The following GRAP2 variants were observed in gnomAD, a reference collection of about 807,000 sequenced individuals.
The protein encoded by GRAP2 is GRB2-related adapter protein 2.
GRAP2 carries 31 observed loss-of-function variants against 43.5 expected under a neutral mutation model. The observed-to-expected ratio is 0.71, with a 90% CI of 0.54 to 0.96. GRAP2 has a LOEUF of 0.96. Among genes scored for constraint, GRAP2 ranks in the 40% least tolerant of loss-of-function variants. The pLI, the probability that GRAP2 is intolerant of heterozygous loss-of-function variation, is 0.00. For synonymous variants in GRAP2, 156 were observed against 164.8 expected (o/e 0.95, Z 0.41); for missense variants, 371 against 424.4 (o/e 0.87, Z 1.11).
chr22:39,918,003 T>TC (rs966401587), intron 1 of GRAP2, among the ~76,000 whole-genome samples: 2 of 152,286 alleles, frequency 1.3e-5, no homozygotes, highest in East Asian at 1.9e-4. Flanking sequence ...TCTAGCTTTT[T>TC]CCCCCCTCAA....
At chr22:39,924,459 G>A (rs979673788) in intron 1 of GRAP2, among the ~76,000 whole-genome samples, 3 of 152,174 alleles carry the variant, frequency 2.0e-5, no homozygotes, top group Non-Finnish European at 2.9e-5. Context: ...CCAACACTTC[G>A]GGAGGCCGAA....
At chr22:39,939,248 C>T (rs1425067286) in intron 1 of GRAP2, among the ~76,000 whole-genome samples, 1 of 152,142 alleles carries the variant, frequency 6.6e-6, no homozygotes, top group Non-Finnish European at 1.5e-5. Context: ...TGTTTGTTCT[C>T]CTGGGATCTC....
chr22:39,910,753 A>C (rs2066556836), intron 1 of GRAP2, among the ~76,000 whole-genome samples: 2 of 152,010 alleles, frequency 1.3e-5, no homozygotes, highest in Admixed American at 1.3e-4. Context: ...AAAAAAAAAA[A>C]AAACCCTAGG....
At chr22:39,902,807 G>A (rs572257036) in intron 1 of GRAP2, among the ~76,000 whole-genome samples, 1 of 152,294 alleles carries the variant, frequency 6.6e-6, no homozygotes, top group Admixed American at 6.5e-5. Context: ...TAGGGATGTT[G>A]TAAGAATAAA....
the GRAP2 span, among the ~76,000 whole-genome samples, chr22:39,894,663 G>A: frequency 7.2e-5 from 11 of 152,322 alleles, no homozygotes; most frequent in Middle Eastern, 6.8e-3. Flanking sequence ...AGTGACTGAT[G>A]GCTTCAGGTG....
At chr22:39,943,034 G>C (rs921269829) in intron 1 of GRAP2, among the ~76,000 whole-genome samples, 2 of 152,186 alleles carry the variant, frequency 1.3e-5, no homozygotes, top group Non-Finnish European at 2.9e-5. Flanking sequence ...TCTTCACATA[G>C]CTTTGTGGTG....
intron 1 of GRAP2, among the ~76,000 whole-genome samples, chr22:39,926,023 C>T (rs140263144): frequency 6.6e-6 from 1 of 152,326 alleles, no homozygotes; most frequent in Non-Finnish European, 1.5e-5. Flanking sequence ...ACTTTGCCTC[C>T]ATGATGTCTT....
chr22:39,900,638 G>A (rs1157993268), upstream of GRAP2, among the ~76,000 whole-genome samples: 1 of 152,216 alleles, frequency 6.6e-6, no homozygotes, highest in East Asian at 1.9e-4. Flanking sequence ...ATGCTGGACT[G>A]TGGCAAACCT....
rs770856671 is a variant in GRAP2, at chr22:39,970,989, G to C, written c.898G>C (p.Val300Leu). ...GTTCCACAGCGGGGAGGTGGTGGAG[G>C]TCCTGGATAGCTCCAACCCATCCTG... ...LGFHSGEVVEVLDSSNPSWWT... is the reference protein window; with the variant it reads ...LGFHSGEVVELLDSSNPSWWT... The change falls in exon 8 of 8, where the codon GTC (valine) becomes CTC (leucine). Residue 300 changes from valine to leucine, a missense_variant. Physicochemically the swap from Val to Leu is conservative, Grantham distance 32. Coordinates refer to ENST00000344138, the MANE Select transcript of GRAP2 (RefSeq NM_004810.4). 31 of 1,613,490 alleles carry C rather than the reference G, an allele frequency of 1.9e-5. No individual in the cohort carries two copies. The highest frequency in any genetic ancestry group is 1.1e-5 in the South Asian group (1 of 91,026).
chr22:39,971,309 C>A lies in GRAP2; in HGVS notation c.*225C>A. 1 of 514,484 alleles carries A rather than the reference C, an allele frequency of 1.9e-6. No homozygotes were observed. Among genetic ancestry groups the A allele is most frequent in the East Asian group, 3.5e-5 (1 of 28,350 alleles). 31.9% of individuals were successfully genotyped at this position (514,484 alleles called of 1,614,324 possible). On this transcript the variant is annotated 3_prime_UTR_variant, in exon 8 of 8. Coordinates refer to ENST00000344138, the MANE Select transcript of GRAP2 (RefSeq NM_004810.4). ...TATTGACACTTGCTTTTCTGCCCCC[C>A]TCAGGGGTGTGTGGAAGGCAGTGGG...
chr22:39,932,569 AAAG>A lies in GRAP2; in HGVS notation c.-14-14523_-14-14521del. On this transcript the variant is annotated intron_variant, in intron 1 of 7. Coordinates refer to ENST00000344138, the MANE Select transcript of GRAP2 (RefSeq NM_004810.4). ...TCTACAAAAAAAAAAAAAAAAAAAA[AAAG>A]CTGGATGTGGTGGCATGCACCTGTA... 2.0e-5 allele frequency among the ~76,000 whole-genome samples: 3 copies of A among 150,806 alleles called. No homozygotes were observed. The South Asian group carries it at 6.3e-4, about 32-fold the overall frequency.
chr22:39,914,182 C>A (rs2066586846), intron 1 of GRAP2, among the ~76,000 whole-genome samples: 1 of 152,102 alleles, frequency 6.6e-6, no homozygotes, highest in African/African-American at 2.4e-5. Context: ...CCATGGAACA[C>A]AAAGGAGGAG....
chr22:39,953,370 C>A (rs1007540601), intron 2 of GRAP2, among the ~76,000 whole-genome samples: 11 of 152,190 alleles, frequency 7.2e-5, no homozygotes, highest in Non-Finnish European at 1.2e-4. Flanking sequence ...CTCAGTCTCC[C>A]AAGCCAGAAA....
At position 39,953,048 on chromosome 22, in the gene GRAP2, G is replaced by A. The variant is rs200318939; in HGVS notation, c.79-2771G>A. Among the ~76,000 whole-genome samples, 7 of 152,270 alleles carry A rather than the reference G, an allele frequency of 4.6e-5. No individual in the cohort carries two copies. In the East Asian group the frequency reaches 1.4e-3, roughly 29 times the overall value. On this transcript the variant is annotated intron_variant, in intron 2 of 7. Transcript: ENST00000344138. ...TTCCTTCCACCTTGGAGTGATGTTA[G>A]AAATAGGTCATCATCTCCACTCAAG...
chr22:39,913,009 A>G (rs372367804), intron 1 of GRAP2, among the ~76,000 whole-genome samples: 9 of 152,058 alleles, frequency 5.9e-5, no homozygotes, highest in African/African-American at 2.2e-4. Context: ...CCTGGCCAAC[A>G]TGGTGAAACC....
chr22:39,916,582 T>C (rs2066604383), intron 1 of GRAP2, among the ~76,000 whole-genome samples: 1 of 152,260 alleles, frequency 6.6e-6, no homozygotes, highest in South Asian at 2.1e-4. Context: ...CATTATAACT[T>C]GATTTTCTTC....
At chr22:39,922,869 C>T (rs989172159) in intron 1 of GRAP2, among the ~76,000 whole-genome samples, 2 of 152,058 alleles carry the variant, frequency 1.3e-5, no homozygotes, top group African/African-American at 4.8e-5. Context: ...ATGGTGAAAC[C>T]CCGTTCTACT....
intron 1 of GRAP2, among the ~76,000 whole-genome samples, chr22:39,938,550 G>A (rs532133942): frequency 6.6e-6 from 1 of 152,216 alleles, no homozygotes. Context: ...CTGCAGGAGG[G>A]GCCCTGGCAG....
intron 1 of GRAP2, among the ~76,000 whole-genome samples, chr22:39,944,361 C>T (rs1413336127): frequency 6.6e-6 from 1 of 152,144 alleles, no homozygotes; most frequent in Admixed American, 6.5e-5. Flanking sequence ...ATTTACTATT[C>T]TCTACTACTA....
Sources: allele counts gnomAD v4.1 joint callset (sites outside exome capture counted in the v4.1 genomes callset), GRCh38; gene constraint gnomAD v4.1.1; transcripts MANE v1.5; gene names NCBI Gene and HGNC (gene_info 2026-07-23, HGNC 2026-07-21).